The following DDR2 variants were observed in gnomAD, a reference collection of about 807,000 sequenced individuals.
The protein encoded by DDR2 is discoidin domain receptor tyrosine kinase 2.
DDR2 carries 27 observed loss-of-function variants against 94.9 expected under a neutral mutation model. That is an observed-to-expected ratio of 0.28 (90% CI 0.21 to 0.39). The LOEUF is 0.39. DDR2 is among the 10% of genes least tolerant of loss of function. The probability of loss-of-function intolerance (pLI) is 1.00; values close to 1 mark genes in which losing one functional copy is unlikely to be tolerated. For missense variants in DDR2, 783 were observed against 1,076.0 expected (o/e 0.73, Z 3.81); for synonymous variants, 382 against 377.2 (o/e 1.01, Z -0.15).
At chr1:162,726,083 C>T (rs372239865) in intron 3 of DDR2, among the ~76,000 whole-genome samples, 5 of 152,134 alleles carry the variant, frequency 3.3e-5, no homozygotes, top group Admixed American at 6.5e-5. Context: ...TATCACTGAT[C>T]GCTGCCTTAA....
At chr1:162,650,297 A>AT (rs552522302) in intron 1 of DDR2, among the ~76,000 whole-genome samples, 10 of 151,762 alleles carry the variant, frequency 6.6e-5, no homozygotes, top group East Asian at 3.9e-4. Flanking sequence ...GTTAAAAAAA[A>AT]AATAATAATA....
intron 16 of DDR2, 102 bp from the exon 17 acceptor site, chr1:162,778,478 C>T (rs1020929908): frequency 1.4e-5 from 20 of 1,421,662 alleles, no homozygotes; most frequent in Non-Finnish European, 2.0e-5. Context: ...GAATTCCTTG[C>T]CTGTGGTGGG....
At chr1:162,715,232 G>A (rs917844016) in intron 2 of DDR2, among the ~76,000 whole-genome samples, 3 of 152,182 alleles carry the variant, frequency 2.0e-5, no homozygotes, top group African/African-American at 4.8e-5. Flanking sequence ...CTACAACAAC[G>A]AATAAAATGA....
chr1:162,756,869 G>A (rs114372169), intron 7 of DDR2, among the ~76,000 whole-genome samples: 170 of 152,314 alleles, frequency 1.1e-3, no homozygotes, highest in African/African-American at 4.0e-3. Context: ...TCAAGGCACA[G>A]AGGAAATCAG....
intron 2 of DDR2, among the ~76,000 whole-genome samples, chr1:162,712,169 A>G (rs772274100): frequency 6.7e-6 from 1 of 149,720 alleles, no homozygotes; most frequent in Non-Finnish European, 1.5e-5. Context: ...AAAGAGAAAT[A>G]TGGTGTCATG....
chr1:162,770,364 C>A lies in DDR2; in HGVS notation c.1356C>A (p.Ser452Arg). 6.2e-7 allele frequency: 1 copy of A among 1,614,106 alleles called. No individual in the cohort carries two copies. ...GCCTTTCCCTGCCAAGTGATTCTAG[C>A]ATGTTCAACAATAACCGCTCCTCAT... ...TVSLSLPSDS[S>R]MFNNNRSSSP... The change falls in exon 12 of 18, where the codon AGC becomes AGA. Residue 452 changes from serine to arginine, a missense_variant. Physicochemically the swap from Ser to Arg is moderately radical, Grantham distance 110. Around this residue, in one of 2 missense-constraint regions of DDR2, gnomAD observed 519 missense variants for 647.9 expected, o/e 0.80. Coordinates refer to ENST00000367921, the MANE Select transcript of DDR2 (RefSeq NM_006182.4).
At chr1:162,753,301 G>T in intron 4 of DDR2, 104 bp downstream of exon 4, 1 of 1,009,938 alleles carries the variant, frequency 9.9e-7, no homozygotes, top group East Asian at 2.6e-5. Context: ...TTATTGGCAG[G>T]AACTGTTGAG....
intron 12 of DDR2, among the ~76,000 whole-genome samples, chr1:162,771,413 A>C (rs1203699319): frequency 6.6e-6 from 1 of 152,234 alleles, no homozygotes; most frequent in African/African-American, 2.4e-5. Context: ...GGAAACTTGC[A>C]TCTATTTTAT....
At chr1:162,724,591 A>G (rs928164965) in intron 3 of DDR2, among the ~76,000 whole-genome samples, 32 of 152,280 alleles carry the variant, frequency 2.1e-4, no homozygotes, top group African/African-American at 5.5e-4. Context: ...TCACCTACAC[A>G]TATTTCCAAA....
At chr1:162,716,842 C>G (rs1661189245) in intron 2 of DDR2, among the ~76,000 whole-genome samples, 7 of 152,182 alleles carry the variant, frequency 4.6e-5, no homozygotes, top group Admixed American at 3.9e-4. Context: ...CTGTTATTGC[C>G]TATTAAAGTC....
At chr1:162,700,892 TA>T (rs1227567236) in intron 2 of DDR2, among the ~76,000 whole-genome samples, 1 of 152,230 alleles carries the variant, frequency 6.6e-6, no homozygotes, top group African/African-American at 2.4e-5. Flanking sequence ...GCTGTGTGAT[TA>T]AACCGGTGTT....
chr1:162,744,987 C>A (rs1662781654), intron 3 of DDR2, among the ~76,000 whole-genome samples: 1 of 152,182 alleles, frequency 6.6e-6, no homozygotes, highest in Admixed American at 6.5e-5. Context: ...TTCTCTACAT[C>A]CTTGCCAACA....
At chr1:162,773,439 T>C (rs1431506502) in intron 13 of DDR2, 30 bp from the exon 14 acceptor site, 3 of 1,612,134 alleles carry the variant, frequency 1.9e-6, no homozygotes, top group Non-Finnish European at 2.5e-6. Context: ...GGAGAAATGA[T>C]GATGCTGAGA....
intron 2 of DDR2, among the ~76,000 whole-genome samples, chr1:162,681,015 T>C (rs1659373191): frequency 6.6e-6 from 1 of 152,070 alleles, no homozygotes; most frequent in South Asian, 2.1e-4. Context: ...TGAGGAAGCA[T>C]GGTAGAATGA....
At chr1:162,684,812 A>AACACACACACACACACACAC (rs56958157) in intron 2 of DDR2, among the ~76,000 whole-genome samples, 1 of 137,954 alleles carries the variant, frequency 7.2e-6, no homozygotes, top group Non-Finnish European at 1.6e-5. Context: ...CACACCCACC[A>AACACACACACACACACACAC]ACACACACAC....
intron 9 of DDR2, among the ~76,000 whole-genome samples, chr1:162,763,260 C>T (rs994532741): frequency 2.7e-5 from 4 of 149,516 alleles, no homozygotes; most frequent in South Asian, 2.1e-4. Flanking sequence ...GCAACCTCCA[C>T]CTCCCAGGTT....
intron 1 of DDR2, among the ~76,000 whole-genome samples, chr1:162,645,587 A>G (rs945536343): frequency 1.3e-5 from 2 of 152,348 alleles, no homozygotes; most frequent in Admixed American, 6.5e-5. Context: ...AGAACCATGT[A>G]TCCTCAGGGT....
chr1:162,679,448 C>G (rs1659293177), intron 2 of DDR2, among the ~76,000 whole-genome samples: 1 of 152,150 alleles, frequency 6.6e-6, no homozygotes, highest in Non-Finnish European at 1.5e-5. Flanking sequence ...ATGGAGCCTC[C>G]AGCTCCATCC....
At chr1:162,658,662 C>CAA (rs796958023) in intron 2 of DDR2, among the ~76,000 whole-genome samples, 43 of 61,074 alleles carry the variant, frequency 7.0e-4, no homozygotes, top group African/African-American at 9.9e-4. Context: ...CTTGTCTGTA[C>CAA]AAAAAAAAAA....
Sources: allele counts gnomAD v4.1 joint callset (sites outside exome capture counted in the v4.1 genomes callset), GRCh38; gene constraint gnomAD v4.1.1; regional missense constraint gnomAD v4.1.1; transcripts MANE v1.5; gene names NCBI Gene and HGNC (gene_info 2026-07-23, HGNC 2026-07-21).